The following SDR42E1 variants were observed in gnomAD, a reference collection of about 807,000 sequenced individuals.
The protein encoded by SDR42E1 is short chain dehydrogenase/reductase family 42E, member 1.
In SDR42E1, 5 loss-of-function variants were observed where a neutral mutation model predicts 2.6. The observed-to-expected ratio is 1.94, with a 90% CI of 1.01 to 4.08. The LOEUF (loss-of-function observed/expected upper bound fraction) is 4.08. Among genes scored for constraint, SDR42E1 ranks in the 30% most tolerant of loss-of-function variants. SDR42E1 has a pLI of 0.00. For synonymous variants in SDR42E1, 231 were observed against 188.3 expected (o/e 1.23, Z -1.86); for missense variants, 596 against 478.6 (o/e 1.25, Z -2.29).
Position 81,990,860 on chromosome 16 carries a change from C to G in SDR42E1, c.*8251G>C, listed in dbSNP as rs1912409844. On this transcript the variant is annotated 3_prime_UTR_variant, in exon 3 of 3. Coordinates refer to ENST00000328945, the MANE Select transcript of SDR42E1 (RefSeq NM_145168.3). ...TCAGAGACACTTCCACTGTGAAGTG[C>G]TTTGTAAAAAGTTCACCCTTCTTTG... 1 of 152,178 alleles carries G rather than the reference C, an allele frequency of 6.6e-6. No homozygotes were observed. The highest frequency in any genetic ancestry group is 2.4e-5 in the African/African-American group (1 of 41,432). The allele number at this position is 152,178 out of a possible 1,614,324, so 9.4% of individuals were successfully genotyped here. A position where few individuals can be genotyped will look rare whatever the true frequency, so the allele number is the denominator to read the frequency against.
At chr16:82,005,418 C>A (rs530284424) in intron 1 of SDR42E1, among the ~76,000 whole-genome samples, 1 of 152,298 alleles carries the variant, frequency 6.6e-6, no homozygotes, top group Admixed American at 6.5e-5. Context: ...GCCAGTAAAG[C>A]CTTCACAGGA....
chr16:82,000,842 G>C lies in SDR42E1; in HGVS notation c.17C>G (p.Ser6Cys), dbSNP rs767203090. Reference sequence around the variant, plus strand: ...TGTAATGAGGACACTTTCCTTTTGAGATCTTTTGGGGTCCATATGTGGCAG... The same window carrying C: ...TGTAATGAGGACACTTTCCTTTTGACATCTTTTGGGGTCCATATGTGGCAG... Reference protein sequence around the residue: MDPKRSQKESVLITGG... With the variant: MDPKRCQKESVLITGG... The change falls in exon 2 of 3, where the codon TCT (serine) becomes TGT (cysteine). Residue 6 changes from serine (S) to cysteine (C), a missense_variant. Transcript: ENST00000328945. 6.2e-7 allele frequency: 1 copy of C among 1,613,722 alleles called. No individual in the cohort carries two copies. Among genetic ancestry groups the C allele is most frequent in the South Asian group, 1.1e-5 (1 of 91,054 alleles).
rs1912406964 is a variant in SDR42E1 at position 81,990,724 on chromosome 16, A to T, written c.*8387T>A. On this transcript the variant is annotated 3_prime_UTR_variant, in exon 3 of 3. Transcript: ENST00000328945. ...AATAAGAGATGGCTCCAGGACAGGCATAAGGAAGTGCAAGCAAATGCATGA... is the reference window on the plus strand; with the variant it reads ...AATAAGAGATGGCTCCAGGACAGGCTTAAGGAAGTGCAAGCAAATGCATGA... 3 of 152,234 alleles carry T rather than the reference A, an allele frequency of 2.0e-5. No homozygotes were observed. The highest frequency in any genetic ancestry group is 1.3e-4 in the Admixed American group (2 of 15,280). 9.4% of individuals were successfully genotyped at this position (152,234 alleles called of 1,614,324 possible). A position where few individuals can be genotyped will look rare whatever the true frequency, so the allele number is the denominator to read the frequency against.
rs201248467 is a variant in SDR42E1 at position 81,999,749 on chromosome 16, C to T, written c.544G>A (p.Ala182Thr). The change falls in exon 3 of 3, where the codon GCT becomes ACT. Residue 182 changes from alanine (A) to threonine (T), a missense_variant. Coordinates refer to ENST00000328945, the MANE Select transcript of SDR42E1 (RefSeq NM_145168.3). Reference protein sequence around the residue: ...DRGDGVLRTCALRPAGIYGPG... With the variant: ...DRGDGVLRTCTLRPAGIYGPG... ...CCATAGATGCCAGCTGGCCTCAGAGCGCAGGTTCTTAAGACACCGTCGCCT... is the reference window on the plus strand; with the variant it reads ...CCATAGATGCCAGCTGGCCTCAGAGTGCAGGTTCTTAAGACACCGTCGCCT... 421 of 1,614,164 alleles carry T rather than the reference C, an allele frequency of 2.6e-4. 2 individuals are homozygous for T. The highest frequency in any genetic ancestry group is 7.2e-4 in the African/African-American group (54 of 75,022).
rs954663936 is a variant in SDR42E1, at chr16:81,991,206, T to G, written c.*7905A>C. On this transcript the variant is annotated 3_prime_UTR_variant, in exon 3 of 3. Transcript: ENST00000328945. ...CAAAATACATGGAATTCCAGTAGAT[T>G]AACAGCACCCCCCGCCCACACACCT... The G allele has an allele frequency of 6.6e-6, 1 of 152,200 alleles. No homozygotes were observed. Among genetic ancestry groups the G allele is most frequent in the African/African-American group, 2.4e-5 (1 of 41,438 alleles). 9.4% of individuals were successfully genotyped at this position (152,200 alleles called of 1,614,324 possible).
rs1912373320 is a variant in SDR42E1, at chr16:81,989,241, T to C, written c.*9870A>G. Reference sequence around the variant, plus strand: ...AATAAAGAATATATACTAATATCAATAGATCACCATGCTGTACTATTGAGT... The same window carrying C: ...AATAAAGAATATATACTAATATCAACAGATCACCATGCTGTACTATTGAGT... On this transcript the variant is annotated 3_prime_UTR_variant, in exon 3 of 3. Coordinates refer to ENST00000328945, the MANE Select transcript of SDR42E1 (RefSeq NM_145168.3). 1 of 152,106 alleles carries C rather than the reference T, an allele frequency of 6.6e-6. No individual in the cohort carries two copies. The highest frequency in any genetic ancestry group is 1.5e-5 in the Non-Finnish European group (1 of 68,016). 9.4% of individuals were successfully genotyped at this position (152,106 alleles called of 1,614,324 possible).
rs1912448321 is a variant in SDR42E1, at chr16:81,992,416, T to G, written c.*6695A>C. ...TTCCCCTTAAAACCTGGGCAACATTTCAGACTTATTATTATCTATTCAGGA... is the reference window on the plus strand; with the variant it reads ...TTCCCCTTAAAACCTGGGCAACATTGCAGACTTATTATTATCTATTCAGGA... On this transcript the variant is annotated 3_prime_UTR_variant, in exon 3 of 3. Transcript: ENST00000328945. 6.6e-6 allele frequency: 1 copy of G among 152,146 alleles called. No homozygotes were observed. The highest frequency in any genetic ancestry group is 1.5e-5 in the Non-Finnish European group (1 of 68,024). The allele number at this position is 152,146 out of a possible 1,614,324, so 9.4% of individuals were successfully genotyped here. A position where few individuals can be genotyped will look rare whatever the true frequency, so the allele number is the denominator to read the frequency against.
chr16:82,003,916 A>G (rs781079569), intron 1 of SDR42E1, among the ~76,000 whole-genome samples: 10 of 152,178 alleles, frequency 6.6e-5, no homozygotes, highest in Non-Finnish European at 1.0e-4. Flanking sequence ...AATATATCCA[A>G]TTCAGTAAAA....
chr16:82,004,331 C>G (rs1912864787), intron 1 of SDR42E1, among the ~76,000 whole-genome samples: 1 of 151,974 alleles, frequency 6.6e-6, no homozygotes. Context: ...TGGGGGTGCA[C>G]CACGAATAAA....
At chr16:82,008,335 G>A (rs185661035) in intron 1 of SDR42E1, among the ~76,000 whole-genome samples, 7 of 152,376 alleles carry the variant, frequency 4.6e-5, no homozygotes, top group Admixed American at 2.6e-4. Flanking sequence ...ATCTGAAAAT[G>A]TGGAAGTGAC....
chr16:81,999,401 G>A lies in SDR42E1; in HGVS notation c.892C>T (p.His298Tyr), dbSNP rs1912652896. 2 of 1,614,054 alleles carry A rather than the reference G, an allele frequency of 1.2e-6. No individual in the cohort carries two copies. The highest frequency in any genetic ancestry group is 1.1e-5 in the South Asian group (1 of 91,084). The change falls in exon 3 of 3, where the codon CAC becomes TAC. Residue 298 changes from histidine to tyrosine, a missense_variant. Transcript: ENST00000328945. Reference protein sequence around the residue: ...YCFAFLTEMVHFILGRLYNFQ... With the variant: ...YCFAFLTEMVYFILGRLYNFQ... ...TTGTAGAGTCGACCCAAAATGAAGTGAACCATCTCTGTTAGAAAAGCAAAG... is the reference window on the plus strand; with the variant it reads ...TTGTAGAGTCGACCCAAAATGAAGTAAACCATCTCTGTTAGAAAAGCAAAG...
intron 1 of SDR42E1, among the ~76,000 whole-genome samples, chr16:82,004,553 T>C (rs1161740075): frequency 6.6e-6 from 1 of 152,194 alleles, no homozygotes; most frequent in East Asian, 1.9e-4. Context: ...CAGGCTATAG[T>C]GCAGAGGTGT....
At chr16:82,009,592 T>C (rs966693227) in intron 1 of SDR42E1, among the ~76,000 whole-genome samples, 3 of 152,252 alleles carry the variant, frequency 2.0e-5, no homozygotes, top group African/African-American at 7.2e-5. Flanking sequence ...GGAATGAGTA[T>C]ACTTACCCAA....
At position 81,992,574 on chromosome 16, in the gene SDR42E1, G is replaced by C. The variant is rs1912451663; in HGVS notation, c.*6537C>G. The C allele has an allele frequency of 6.6e-6, 1 of 152,120 alleles. No individual in the cohort carries two copies. The highest frequency in any genetic ancestry group is 2.1e-4 in the South Asian group (1 of 4,818). 9.4% of individuals were successfully genotyped at this position (152,120 alleles called of 1,614,324 possible). A position where few individuals can be genotyped will look rare whatever the true frequency, so the allele number is the denominator to read the frequency against. ...GAAATATGGCTCCACTGGGAGGCTA[G>C]AGCAAAAGATATGTAGAATACTTGC... On this transcript the variant is annotated 3_prime_UTR_variant, in exon 3 of 3. Transcript: ENST00000328945.
Position 81,999,554 on chromosome 16 carries a change from C to T in SDR42E1, c.739G>A (p.Ala247Thr), listed in dbSNP as rs756402487. 6.3e-5 allele frequency: 102 copies of T among 1,614,010 alleles called. No homozygotes were observed. The highest frequency in any genetic ancestry group is 1.3e-5 in the African/African-American group (1 of 74,916). Residue 247 changes from alanine (A) to threonine (T), a missense_variant, in exon 3 of 3, where the codon GCC (alanine) becomes ACC (threonine). Physicochemically the swap from Ala to Thr is moderately conservative, Grantham distance 58. Transcript: ENST00000328945. ...GAGATGAAGTAGGGCTGCCCAGAGG[C>T]AATATGGCCCTTGTCAGCTCTCAGG... Reference protein sequence around the residue: ...EALRADKGHIASGQPYFISDG... With the variant: ...EALRADKGHITSGQPYFISDG...
intron 1 of SDR42E1, among the ~76,000 whole-genome samples, chr16:82,008,194 C>G (rs1041675178): frequency 6.6e-6 from 1 of 152,212 alleles, no homozygotes; most frequent in African/African-American, 2.4e-5. Flanking sequence ...TCCCCAGCCA[C>G]GTGGAACTGT....
chr16:82,009,128 T>C (rs1913042847), intron 1 of SDR42E1, among the ~76,000 whole-genome samples: 1 of 152,154 alleles, frequency 6.6e-6, no homozygotes. Flanking sequence ...AGAGGATGTA[T>C]GGAAACTCCT....
At chr16:82,009,305 T>A (rs150705577) in intron 1 of SDR42E1, among the ~76,000 whole-genome samples, 1 of 152,110 alleles carries the variant, frequency 6.6e-6, no homozygotes, top group African/African-American at 2.4e-5. Flanking sequence ...GACCCCAGAA[T>A]GGTAGATCCA....
At chr16:82,007,146 A>G (rs544816207) in intron 1 of SDR42E1, among the ~76,000 whole-genome samples, 1 of 152,364 alleles carries the variant, frequency 6.6e-6, no homozygotes, top group East Asian at 1.9e-4. Flanking sequence ...GGCAATATCT[A>G]TAGGGACAAG....
Sources: allele counts gnomAD v4.1 joint callset (sites outside exome capture counted in the v4.1 genomes callset), GRCh38; gene constraint gnomAD v4.1.1; transcripts MANE v1.5; gene names NCBI Gene and HGNC (gene_info 2026-07-23, HGNC 2026-07-21).